Variants in BTBD9 observed in about 807,000 individuals in gnomAD.
The protein encoded by BTBD9 is BTB/POZ domain-containing protein 9.
A neutral mutation model predicts 64.3 loss-of-function variants in BTBD9; 49 were observed. The ratio of observed to expected loss-of-function variants is 0.76; its 90% CI spans 0.61 to 0.97. BTBD9 has a LOEUF of 0.97. BTBD9 is among the 50% of genes least tolerant of loss of function. The pLI, the probability that BTBD9 is intolerant of heterozygous loss-of-function variation, is 0.00. For missense variants in BTBD9, 598 were observed against 762.1 expected, an observed-to-expected ratio of 0.78 and a Z score of 2.53; for synonymous variants, 260 against 274.7, an observed-to-expected ratio of 0.95 and a Z score of 0.53.
intron 6 of BTBD9, among the ~76,000 whole-genome samples, chr6:38,528,797 T>C (rs1255007660): frequency 1.3e-5 from 2 of 152,124 alleles, no homozygotes; most frequent in South Asian, 2.1e-4. Flanking sequence ...GTACTCATTG[T>C]GGGCCTTGGG....
intron 6 of BTBD9, among the ~76,000 whole-genome samples, chr6:38,559,452 T>C (rs1775174561): frequency 6.6e-6 from 1 of 152,154 alleles, no homozygotes; most frequent in Non-Finnish European, 1.5e-5. Flanking sequence ...GGAAAAACAT[T>C]ACATGCTCAC....
chr6:38,445,926 G>A (rs1769257056), intron 6 of BTBD9, among the ~76,000 whole-genome samples: 1 of 152,146 alleles, frequency 6.6e-6, no homozygotes, highest in African/African-American at 2.4e-5. Flanking sequence ...CTGCTGAAAA[G>A]GAAAAGAAAT....
At position 38,174,839 on chromosome 6, in the gene BTBD9, G is replaced by A; in HGVS notation, c.*146C>T. 2 of 917,482 alleles carry A rather than the reference G, an allele frequency of 2.2e-6. No individual in the cohort carries two copies. Among genetic ancestry groups the A allele is most frequent in the Non-Finnish European group, 1.7e-6 (1 of 602,878 alleles). The allele number at this position is 917,482 out of a possible 1,614,324, so 56.8% of individuals were successfully genotyped here. Reference sequence around the variant, plus strand: ...CCTTTCTGTCCTTGGGAGAAAACCTGTTCGGTGTCTGCTTTTGCAGCTAGG... The same window carrying A: ...CCTTTCTGTCCTTGGGAGAAAACCTATTCGGTGTCTGCTTTTGCAGCTAGG... On this transcript the variant is annotated 3_prime_UTR_variant, in exon 11 of 11. Transcript: ENST00000481247.
chr6:38,238,545 T>C (rs1763875415), intron 9 of BTBD9, among the ~76,000 whole-genome samples: 1 of 145,760 alleles, frequency 6.9e-6, no homozygotes, highest in South Asian at 2.2e-4. Flanking sequence ...CGATCTCGGC[T>C]CACTGCAAGC....
At chr6:38,226,205 G>C (rs1178236064) in intron 9 of BTBD9, among the ~76,000 whole-genome samples, 1 of 152,174 alleles carries the variant, frequency 6.6e-6, no homozygotes, top group Non-Finnish European at 1.5e-5. Context: ...TCAAAGGGGG[G>C]TGGGAGTGTG....
chr6:38,178,225 G>A (rs1348858284), intron 10 of BTBD9, among the ~76,000 whole-genome samples: 1 of 151,126 alleles, frequency 6.6e-6, no homozygotes, highest in Non-Finnish European at 1.5e-5. Flanking sequence ...AAGTGGAAAA[G>A]AGTGTTTTTA....
rs141486448 is a variant in BTBD9, at chr6:38,402,885, T to C, written c.1155-57792A>G. 1,663 of 698,458 alleles carry C rather than the reference T, an allele frequency of 2.4e-3. 12 individuals carry two copies. Among genetic ancestry groups the C allele is most frequent in the Middle Eastern group, 0.02 (83 of 4,076 alleles). The allele number at this position is 698,458 out of a possible 1,614,324, so 43.3% of individuals were successfully genotyped here. ...GAGTTCGAGACCAGAGTGGGCACCA[T>C]AGTGAGACTCCATCTCCACTAAAAT... On this transcript the variant is annotated intron_variant, in intron 6 of 10. Transcript: ENST00000481247.
chr6:38,455,911 A>T (rs1408629739), intron 6 of BTBD9, among the ~76,000 whole-genome samples: 1 of 151,974 alleles, frequency 6.6e-6, no homozygotes, highest in East Asian at 1.9e-4. Flanking sequence ...TCCTGACCTC[A>T]GGTGATCCAC....
chr6:38,313,468 A>G lies in BTBD9; in HGVS notation c.1265-25007T>C, dbSNP rs554178643. ...ATCCTTGTCATGTTCCCGATCTTAG[A>G]GGAAATGATTTCAGTTTTTCCCCAT... On this transcript the variant is annotated intron_variant, in intron 7 of 10. Transcript: ENST00000481247. Among the ~76,000 whole-genome samples the G allele has an allele frequency of 2.3e-4, 35 of 152,268 alleles. 1 individual carries two copies. The highest frequency in any genetic ancestry group is 1.6e-3 in the Admixed American group (24 of 15,296).
At chr6:38,508,472 C>T (rs185951979) in intron 6 of BTBD9, among the ~76,000 whole-genome samples, 20 of 152,288 alleles carry the variant, frequency 1.3e-4, no homozygotes, top group East Asian at 5.8e-4. Context: ...TTCATTCCCC[C>T]GCCACTGGCA....
intron 9 of BTBD9, among the ~76,000 whole-genome samples, chr6:38,239,459 A>G (rs115527743): frequency 1.3e-5 from 2 of 148,762 alleles, no homozygotes; most frequent in Admixed American, 1.3e-4. Flanking sequence ...AAAAAAAAAA[A>G]AGATATAATC....
intron 9 of BTBD9, among the ~76,000 whole-genome samples, chr6:38,242,229 A>G (rs1245200177): frequency 5.9e-5 from 9 of 152,210 alleles, no homozygotes; most frequent in African/African-American, 2.2e-4. Flanking sequence ...CCCAGGCACA[A>G]CATGAGCCAG....
At chr6:38,465,490 G>T (rs1394523365) in intron 6 of BTBD9, among the ~76,000 whole-genome samples, 1 of 146,040 alleles carries the variant, frequency 6.8e-6, no homozygotes, top group African/African-American at 2.5e-5. Flanking sequence ...AATTAGCCGG[G>T]CGTGGTGGTG....
intron 6 of BTBD9, among the ~76,000 whole-genome samples, chr6:38,532,495 C>T (rs77580991): frequency 6.6e-6 from 1 of 152,168 alleles, no homozygotes; most frequent in East Asian, 1.9e-4. Flanking sequence ...CAACCACAGG[C>T]TGCTCAGCTC....
chr6:38,515,550 T>C (rs1398009852), intron 6 of BTBD9, among the ~76,000 whole-genome samples: 1 of 152,204 alleles, frequency 6.6e-6, no homozygotes, highest in Non-Finnish European at 1.5e-5. Flanking sequence ...AAGTGTTATT[T>C]TCTTACTACT....
chr6:38,580,416 G>T lies in BTBD9; in HGVS notation c.836C>A (p.Thr279Asn), dbSNP rs1170375828. ...GMLIPEENIA[T>N]MKYGAQVVKG... ...TACAACTTGGGCTCCATACTTCATA[G>T]TTGCAATGTTTTCTTCTGGTACTAC... The change falls in exon 5 of 11, where the codon ACT (threonine) becomes AAT (asparagine). Residue 279 changes from threonine (T) to asparagine (N), a missense_variant. Transcript: ENST00000481247. 3 of 1,614,050 alleles carry T rather than the reference G, an allele frequency of 1.9e-6. No individual in the cohort carries two copies. The highest frequency in any genetic ancestry group is 2.5e-6 in the Non-Finnish European group (3 of 1,179,942).
intron 6 of BTBD9, among the ~76,000 whole-genome samples, chr6:38,515,775 C>T (rs1324246076): frequency 6.6e-6 from 1 of 152,124 alleles, no homozygotes; most frequent in Non-Finnish European, 1.5e-5. Flanking sequence ...AGCTACTAAG[C>T]TCTCTCTCTT....
intron 7 of BTBD9, among the ~76,000 whole-genome samples, chr6:38,341,016 T>G (rs1764076324): frequency 6.6e-6 from 1 of 152,174 alleles, no homozygotes; most frequent in Non-Finnish European, 1.5e-5. Context: ...AAATCCAGAC[T>G]GGTAGACACT....
At chr6:38,216,541 T>G (rs1423292846) in intron 9 of BTBD9, among the ~76,000 whole-genome samples, 2 of 152,226 alleles carry the variant, frequency 1.3e-5, no homozygotes, top group Admixed American at 1.3e-4. Context: ...ATTTTCTGCA[T>G]GTATAATGGC....
Sources: allele counts gnomAD v4.1 joint callset (sites outside exome capture counted in the v4.1 genomes callset), GRCh38; gene constraint gnomAD v4.1.1; transcripts MANE v1.5; gene names NCBI Gene and HGNC (gene_info 2026-07-23, HGNC 2026-07-21).